The following MED13 variants were observed in gnomAD, a reference collection of about 807,000 sequenced individuals.
MED13 encodes the protein mediator of RNA polymerase II transcription subunit 13.
MED13 carries 23 observed loss-of-function variants against 225.2 expected under a neutral mutation model. The observed-to-expected ratio is 0.10, with a 90% CI of 0.07 to 0.14. The LOEUF (loss-of-function observed/expected upper bound fraction) is 0.14, where lower values mean the gene tolerates loss of function less well. MED13 is among the 10% of genes least tolerant of loss of function. The probability of loss-of-function intolerance (pLI) is 1.00; values close to 1 mark genes in which losing one functional copy is unlikely to be tolerated. For synonymous variants in MED13, 942 were observed against 889.2 expected (o/e 1.06, Z -1.06); for missense variants, 2,197 against 2,594.5 (o/e 0.85, Z 3.33).
At chr17:62,048,527 T>C (rs989049284) in intron 3 of MED13, among the ~76,000 whole-genome samples, 3 of 151,886 alleles carry the variant, frequency 2.0e-5, no homozygotes, top group Admixed American at 6.6e-5. Context: ...TTTGAAATGG[T>C]TGAAACAGAG....
At chr17:62,002,187 G>A (rs773715159) in intron 9 of MED13, among the ~76,000 whole-genome samples, 1 of 152,128 alleles carries the variant, frequency 6.6e-6, no homozygotes, top group Non-Finnish European at 1.5e-5. Context: ...TAAGAGGGTT[G>A]TTTAAATGCC....
intron 16 of MED13, among the ~76,000 whole-genome samples, chr17:61,975,378 G>T (rs1381550128): frequency 2.0e-5 from 3 of 152,142 alleles, no homozygotes; most frequent in Non-Finnish European, 4.4e-5. Context: ...AGTCATTAGG[G>T]AAATGCAGAT....
intron 3 of MED13, 120 bp downstream of exon 3, chr17:62,052,417 T>C (rs2080964415): frequency 1.5e-6 from 1 of 653,190 alleles, no homozygotes. Flanking sequence ...TCTAGTACTC[T>C]GTCACTGACA....
At chr17:62,056,861 C>T (rs956758273) in intron 2 of MED13, among the ~76,000 whole-genome samples, 1 of 152,216 alleles carries the variant, frequency 6.6e-6, no homozygotes, top group Non-Finnish European at 1.5e-5. Flanking sequence ...ATTAGCATTA[C>T]AGTTCTTAAT....
chr17:61,957,290 G>T (rs1417785546), intron 23 of MED13, among the ~76,000 whole-genome samples: 1 of 151,348 alleles, frequency 6.6e-6, no homozygotes, highest in African/African-American at 2.4e-5. Context: ...AGGTGATCCT[G>T]TCTCAGCATC....
intron 8 of MED13, among the ~76,000 whole-genome samples, chr17:62,013,386 A>T (rs1346585832): frequency 6.6e-6 from 1 of 152,188 alleles, no homozygotes; most frequent in South Asian, 2.1e-4. Context: ...AGCATTCAAA[A>T]GAAAAAAATA....
intron 18 of MED13, among the ~76,000 whole-genome samples, chr17:61,967,297 CT>C (rs2080067410): frequency 6.6e-6 from 1 of 152,098 alleles, no homozygotes; most frequent in Non-Finnish European, 1.5e-5. Flanking sequence ...AACTATGGAA[CT>C]TTTTCTCTGA....
At chr17:61,957,943 C>A (rs1163945287) in intron 23 of MED13, among the ~76,000 whole-genome samples, 2 of 152,128 alleles carry the variant, frequency 1.3e-5, no homozygotes, top group South Asian at 2.1e-4. Context: ...CAGCTCACTG[C>A]AAGTTCCGCC....
chr17:62,056,250 A>G (rs2080995579), intron 2 of MED13, among the ~76,000 whole-genome samples: 1 of 150,436 alleles, frequency 6.6e-6, no homozygotes, highest in African/African-American at 2.4e-5. Flanking sequence ...AGTACTTTCT[A>G]CACGTTGTAT....
In MED13 at chr17:61,982,595, G is replaced by T. The variant is rs773878506; in HGVS notation, c.3408C>A (p.Asn1136Lys). 1.2e-6 allele frequency: 2 copies of T among 1,614,082 alleles called. No individual in the cohort carries two copies. Among genetic ancestry groups the T allele is most frequent in the Non-Finnish European group, 8.5e-7 (1 of 1,180,032 alleles). Residue 1136 changes from asparagine (N) to lysine (K), a missense_variant, in exon 16 of 30, where the codon AAC (asparagine) becomes AAA (lysine). Physicochemically the swap from Asn to Lys is moderately conservative, Grantham distance 94. Around this residue, in one of 12 missense-constraint regions of MED13, gnomAD observed 203 missense variants for 209.7 expected, o/e 0.97. Coordinates refer to ENST00000397786, the MANE Select transcript of MED13 (RefSeq NM_005121.3). ...FSAVMNRKFG[N>K]NSGLFLEDEL... ...CATCTTCAAGAAATAATCCTGAATT[G>T]TTTCCAAATTTTCTGTTCATGACAG... is the stretch of plus-strand genomic sequence containing the variant.
intron 3 of MED13, among the ~76,000 whole-genome samples, chr17:62,043,753 T>C (rs569764378): frequency 9.8e-5 from 15 of 152,340 alleles, no homozygotes; most frequent in African/African-American, 2.9e-4. Context: ...GTACAAAAAG[T>C]AAACTATTTC....
At chr17:62,009,959 T>C (rs2080490174) in intron 9 of MED13, among the ~76,000 whole-genome samples, 1 of 152,090 alleles carries the variant, frequency 6.6e-6, no homozygotes, top group African/African-American at 2.4e-5. Flanking sequence ...CGGTGGCTCA[T>C]GCCTGTAATC....
At chr17:62,057,722 T>G (rs951304926) in intron 2 of MED13, among the ~76,000 whole-genome samples, 3 of 152,214 alleles carry the variant, frequency 2.0e-5, no homozygotes, top group African/African-American at 4.8e-5. Flanking sequence ...CACTATTCAT[T>G]ATGATAAAAT....
rs560147219 is a variant in MED13, at chr17:62,050,019, A to C, written c.470+2518T>G. ...TTTATAAAATTATAAGAGTATAAAC[A>C]AATATTGTTTTTACCAAAACTTATA... is the stretch of plus-strand genomic sequence containing the variant. On this transcript the variant is annotated intron_variant, in intron 3 of 29. Transcript: ENST00000397786. 2.6e-5 allele frequency among the ~76,000 whole-genome samples: 4 copies of C among 152,250 alleles called. No individual in the cohort carries two copies. In the South Asian group the frequency reaches 8.3e-4, roughly 32 times the overall value.
intron 3 of MED13, among the ~76,000 whole-genome samples, chr17:62,049,294 G>A (rs1178965565): frequency 6.6e-6 from 1 of 152,124 alleles, no homozygotes; most frequent in Non-Finnish European, 1.5e-5. Flanking sequence ...AAGGTAGGGA[G>A]AAGTGATTTA....
intron 2 of MED13, 36 bp downstream of exon 2, chr17:62,063,031 C>T (rs561788031): frequency 1.4e-6 from 2 of 1,469,214 alleles, no homozygotes; most frequent in African/African-American, 1.4e-5. Flanking sequence ...TACAATGTTG[C>T]TATATCATTA....
At chr17:62,061,731 G>A (rs1206587566) in intron 2 of MED13, among the ~76,000 whole-genome samples, 3 of 152,086 alleles carry the variant, frequency 2.0e-5, no homozygotes, top group Non-Finnish European at 4.4e-5. Context: ...GTATTGTCTC[G>A]CTAAAACTAC....
In MED13 at chr17:61,956,343, C is replaced by T. The variant is rs1331534927; in HGVS notation, c.5619G>A (p.Leu1873=). 2.5e-6 allele frequency: 4 copies of T among 1,606,002 alleles called. No homozygotes were observed. Among genetic ancestry groups the T allele is most frequent in the East Asian group, 2.2e-5 (1 of 44,812 alleles). The change falls in exon 24 of 30, where the codon TTG becomes TTA. Residue 1873 remains leucine, a synonymous_variant. Transcript: ENST00000397786. ...CTAATAAAAGCACAATTTTACCTTT[C>T]AATTCTCCATGACCAATCCTTCCTA... ...GRLGRIGHGE[L]KDWSCLLSRR...
intron 3 of MED13, among the ~76,000 whole-genome samples, chr17:62,036,556 A>G (rs2080805515): frequency 1.3e-5 from 2 of 152,236 alleles, no homozygotes; most frequent in Admixed American, 1.3e-4. Flanking sequence ...TTAAACTATG[A>G]TATTAATCAA....
Sources: allele counts gnomAD v4.1 joint callset (sites outside exome capture counted in the v4.1 genomes callset), GRCh38; gene constraint gnomAD v4.1.1; regional missense constraint gnomAD v4.1.1; transcripts MANE v1.5; gene names NCBI Gene and HGNC (gene_info 2026-07-23, HGNC 2026-07-21).